JCAD: variants seen among roughly 807,000 people sequenced by gnomAD.
JCAD encodes the protein junctional cadherin 5 associated.
A neutral mutation model predicts 98.0 loss-of-function variants in JCAD; 40 were observed. The ratio of observed to expected loss-of-function variants is 0.41; its 90% CI spans 0.32 to 0.53. JCAD has a LOEUF of 0.53. JCAD is among the 20% of genes least tolerant of loss of function. JCAD has a pLI of 0.31. For synonymous variants in JCAD, 691 were observed against 682.3 expected (o/e 1.01, Z -0.20); for missense variants, 1,705 against 1,738.1 (o/e 0.98, Z 0.34).
intron 2 of JCAD, among the ~76,000 whole-genome samples, chr10:30,031,406 C>T (rs1325798125): frequency 6.7e-6 from 1 of 149,992 alleles, no homozygotes; most frequent in Non-Finnish European, 1.5e-5. Context: ...GTTGGGATTA[C>T]AGACATGAAG....
chr10:30,099,716 T>C (rs1838437540), intron 1 of JCAD, among the ~76,000 whole-genome samples: 1 of 152,192 alleles, frequency 6.6e-6, no homozygotes, highest in Non-Finnish European at 1.5e-5. Context: ...AAACAGATGT[T>C]AGATATGAGT....
In JCAD at chr10:30,028,646, C is replaced by A. The variant is rs200313569; in HGVS notation, c.1502G>T (p.Trp501Leu). The A allele has an allele frequency of 3.7e-6, 6 of 1,606,946 alleles. No homozygotes were observed. In the African/African-American group the frequency reaches 8.1e-5, roughly 22 times the overall value. The change falls in exon 3 of 4, where the codon TGG (tryptophan) becomes TTG (leucine). Residue 501 changes from tryptophan (W) to leucine (L), a missense_variant. This residue lies in a region of JCAD where 1,278 missense variants were observed against 1,243.1 expected (regional missense o/e 1.03). Transcript: ENST00000375377. ...TTCCCCATCCCCGGGGGGCTGGCCC[C>A]ACAGCCACCGGGGGCTGGAATCGGC... ...VLADSSPRWL[W>L]GQPPGDGENS...
At chr10:30,114,148 C>T (rs1472181350) in intron 1 of JCAD, among the ~76,000 whole-genome samples, 2 of 152,186 alleles carry the variant, frequency 1.3e-5, no homozygotes, top group Non-Finnish European at 2.9e-5. Flanking sequence ...ACAATGGGCT[C>T]TCCTGAATGG....
At chr10:30,048,186 C>T (rs1193449332) in intron 1 of JCAD, among the ~76,000 whole-genome samples, 2 of 152,134 alleles carry the variant, frequency 1.3e-5, no homozygotes, top group African/African-American at 4.8e-5. Flanking sequence ...GTCCACCTTC[C>T]CCTTGTCCCA....
At position 30,029,388 on chromosome 10, in the gene JCAD, G is replaced by A. The variant is rs1012974587; in HGVS notation, c.760C>T (p.His254Tyr). The change falls in exon 3 of 4, where the codon CAT becomes TAT. Residue 254 changes from histidine to tyrosine, a missense_variant. By Grantham distance (83) the His-to-Tyr change is moderately conservative. Around this residue, in one of 3 missense-constraint regions of JCAD, gnomAD observed 275 missense variants for 346.9 expected, o/e 0.79. Transcript: ENST00000375377. The stretch of plus-strand genomic sequence containing the variant: ...GGATACGGTGGCATTTTAGGTGAAT[G>A]TCTTTCATTTAATGGAATGGGAATT... ...TEIPIPLNER[H>Y]SPKMPPYPPT... The A allele has an allele frequency of 6.2e-7, 1 of 1,614,030 alleles. No individual in the cohort carries two copies. The highest frequency in any genetic ancestry group is 2.2e-5 in the East Asian group (1 of 44,872).
Position 30,026,357 on chromosome 10 carries a change from T to A in JCAD, c.3791A>T (p.Glu1264Val). The A allele has an allele frequency of 3.1e-6, 5 of 1,614,200 alleles. No homozygotes were observed. The highest frequency in any genetic ancestry group is 4.2e-6 in the Non-Finnish European group (5 of 1,180,030). ...TCTCATCCGTGACACTGAGCTCACC[T>A]CTTTCATTCTCATCAGGCGGTCAGG... The part of the protein sequence containing the change: ...ADPDRLMRMK[E>V]VSSVSRMRVL... Residue 1264 changes from glutamate (E) to valine (V), a missense_variant, in exon 3 of 4, where the codon GAG (glutamate) becomes GTG (valine). Physicochemically the swap from Glu to Val is moderately radical, Grantham distance 121. Coordinates refer to ENST00000375377, the MANE Select transcript of JCAD (RefSeq NM_020848.4).
At position 30,059,014 on chromosome 10, in the gene JCAD, T is replaced by C. The variant is rs1837644996; in HGVS notation, c.-60+468A>G. On this transcript the variant is annotated intron_variant, in intron 1 of 3. Coordinates refer to ENST00000375377, the MANE Select transcript of JCAD (RefSeq NM_020848.4). This position sits in a 1 kb window ranked among gnomAD's most constrained non-coding sequence, Gnocchi z 5.0. ...GACCTCGGGGACCCAGCGCGGCGGCTGTCAGCTCTGGGGTGAGGTCCGCGA... is the reference window on the plus strand; with the variant it reads ...GACCTCGGGGACCCAGCGCGGCGGCCGTCAGCTCTGGGGTGAGGTCCGCGA... 6.6e-6 allele frequency among the ~76,000 whole-genome samples: 1 copy of C among 151,940 alleles called. No homozygotes were observed. Among genetic ancestry groups the C allele is most frequent in the Non-Finnish European group, 1.5e-5 (1 of 67,934 alleles).
upstream of JCAD, among the ~76,000 whole-genome samples, chr10:30,059,771 T>G (rs1456462958): frequency 6.6e-6 from 1 of 152,100 alleles, no homozygotes; most frequent in Non-Finnish European, 1.5e-5. This position sits in a 1 kb window ranked among gnomAD's most constrained non-coding sequence, Gnocchi z 5.0. Context: ...GTCACTTGGG[T>G]TTGGGCCACG....
chr10:30,063,619 T>A (rs1016907295), upstream of JCAD, among the ~76,000 whole-genome samples: 6 of 152,040 alleles, frequency 3.9e-5, no homozygotes, highest in East Asian at 1.9e-4. Context: ...AAAAAAAAAA[T>A]TTGTTGTCTT....
chr10:30,060,879 C>T (rs1430270028), upstream of JCAD, among the ~76,000 whole-genome samples: 26 of 152,174 alleles, frequency 1.7e-4, 1 homozygote, highest in Admixed American at 1.6e-3. Flanking sequence ...TCTTTGTTCT[C>T]TTGAATCATA....
Position 30,047,823 on chromosome 10 carries a change from C to T in JCAD, c.-11G>A. Reference sequence around the variant, plus strand: ...TTCTACACTGTACATGATGCCTGGGCTTCAGCAAAGCTCAACCACTGGAAC... The same window carrying T: ...TTCTACACTGTACATGATGCCTGGGTTTCAGCAAAGCTCAACCACTGGAAC... On this transcript the variant is annotated 5_prime_UTR_variant, in exon 2 of 4. Transcript: ENST00000375377. 1 of 1,591,332 alleles carries T rather than the reference C, an allele frequency of 6.3e-7. No homozygotes were observed. The highest frequency in any genetic ancestry group is 1.3e-5 in the African/African-American group (1 of 74,346).
At chr10:30,079,635 G>T (rs1449005828) in intron 1 of JCAD, among the ~76,000 whole-genome samples, 3 of 152,148 alleles carry the variant, frequency 2.0e-5, no homozygotes, top group Non-Finnish European at 4.4e-5. Flanking sequence ...AATCAGCTGA[G>T]GGGGCTTGCT....
At chr10:30,066,206 T>G (rs554259535) in intron 2 of JCAD, among the ~76,000 whole-genome samples, 1 of 152,182 alleles carries the variant, frequency 6.6e-6, no homozygotes, top group Admixed American at 6.5e-5. Context: ...CTTAGAAGAT[T>G]TGACGCTAAC....
chr10:30,087,841 C>T (rs527299218), intron 1 of JCAD, among the ~76,000 whole-genome samples: 1 of 152,138 alleles, frequency 6.6e-6, no homozygotes, highest in Non-Finnish European at 1.5e-5. Context: ...ACTTCTGTAA[C>T]CTTTGTTTGT....
rs200754000 is a variant in JCAD, at chr10:30,027,348, G to A, written c.2800C>T (p.Arg934Cys). 3.1e-6 allele frequency: 5 copies of A among 1,612,012 alleles called. No homozygotes were observed. The South Asian group carries it at 3.3e-5, about 11-fold the overall frequency. Residue 934 changes from arginine to cysteine, a missense_variant, in exon 3 of 4, where the codon CGC (arginine) becomes TGC (cysteine). By Grantham distance (180) the Arg-to-Cys change is radical. This residue lies in a region of JCAD where 1,278 missense variants were observed against 1,243.1 expected (regional missense o/e 1.03). Coordinates refer to ENST00000375377, the MANE Select transcript of JCAD (RefSeq NM_020848.4). ...HPRAWPPSPG[R>C]FRVEEGGGAP... Reference sequence around the variant, plus strand: ...CCGCCACCTTCTTCCACGCGAAAGCGGCCCGGGGATGGAGGCCAGGCACGT... The same window carrying A: ...CCGCCACCTTCTTCCACGCGAAAGCAGCCCGGGGATGGAGGCCAGGCACGT...
At chr10:30,106,380 A>G (rs1838581383) in intron 1 of JCAD, among the ~76,000 whole-genome samples, 1 of 152,120 alleles carries the variant, frequency 6.6e-6, no homozygotes, top group Non-Finnish European at 1.5e-5. Flanking sequence ...GCAGTGAGTT[A>G]TGATGGCACC....
chr10:30,069,177 A>T (rs1837837143), intron 2 of JCAD, among the ~76,000 whole-genome samples: 2 of 152,162 alleles, frequency 1.3e-5, no homozygotes, highest in African/African-American at 4.8e-5. Flanking sequence ...AGAATTTTTG[A>T]ATACCTCTGA....
At chr10:30,049,558 A>G (rs375312386) in intron 1 of JCAD, among the ~76,000 whole-genome samples, 2 of 152,214 alleles carry the variant, frequency 1.3e-5, no homozygotes, top group Non-Finnish European at 2.9e-5. Context: ...GGAAGCTGAC[A>G]AGCTCTGGCA....
At chr10:30,037,662 A>C (rs933330084) in intron 2 of JCAD, among the ~76,000 whole-genome samples, 1 of 152,176 alleles carries the variant, frequency 6.6e-6, no homozygotes, top group South Asian at 2.1e-4. Context: ...AAATACACAA[A>C]TAATGGGTCT....
Sources: gnomAD v4.1 joint callset for allele counts (sites outside exome capture counted in the v4.1 genomes callset) on GRCh38, gnomAD v4.1.1 for gene constraint, gnomAD v4.1.1 regional missense constraint, Gnocchi (gnomAD v3.1) non-coding constraint, MANE v1.5 for transcripts, NCBI Gene and HGNC (gene_info 2026-07-23, HGNC 2026-07-21) for gene names.